The following FUBP3 variants were observed in gnomAD, a reference collection of about 807,000 sequenced individuals.
FUBP3 encodes far upstream element-binding protein 3.
A neutral mutation model predicts 85.6 loss-of-function variants in FUBP3; 28 were observed. The ratio of observed to expected loss-of-function variants is 0.33; its 90% CI spans 0.24 to 0.45. The LOEUF is 0.45. Among genes scored for constraint, FUBP3 ranks in the 20% least tolerant of loss-of-function variants. FUBP3 has a pLI of 1.00. For synonymous variants in FUBP3, 271 were observed against 271.4 expected, an observed-to-expected ratio of 1.00 and a Z score of 0.01; for missense variants, 583 against 755.1, an observed-to-expected ratio of 0.77 and a Z score of 2.67.
At position 130,616,284 on chromosome 9, in the gene FUBP3, A is replaced by G. The variant is rs930296363; in HGVS notation, c.405-71A>G. 4.7e-6 allele frequency: 7 copies of G among 1,483,456 alleles called. No individual in the cohort carries two copies. The African/African-American group carries it at 6.9e-5, about 15-fold the overall frequency. The allele number at this position is 1,483,456 out of a possible 1,614,324, so 91.9% of individuals were successfully genotyped here. A position where few individuals can be genotyped will look rare whatever the true frequency, so the allele number is the denominator to read the frequency against. ...TCCCGCAGGTTTTTCCCTCAGTGCT[A>G]TTTCCCTGTCTTGCACACTTAGAGC... On this transcript the variant is annotated intron_variant, in intron 6 of 18. Coordinates refer to ENST00000319725, the MANE Select transcript of FUBP3 (RefSeq NM_003934.2). This position sits in a 1 kb window ranked among gnomAD's most constrained non-coding sequence, Gnocchi z 4.7.
intron 14 of FUBP3, 119 bp from the exon 15 acceptor site, chr9:130,631,821 CCT>C: frequency 2.4e-6 from 2 of 850,100 alleles, no homozygotes; most frequent in Non-Finnish European, 3.9e-6. Context: ...GGGGTGGGAG[CCT>C]CTCAGAGGGC....
Position 130,626,555 on chromosome 9 carries a change from G to A in FUBP3, c.1117+50G>A, listed in dbSNP as rs1238666488. On this transcript the variant is annotated intron_variant, in intron 12 of 18. Transcript: ENST00000319725. ...TCCCCCCTCAGCTGTTTGGCTTGAG[G>A]GAAGGCAGGTCACGGGACCTCCAGA... is the stretch of plus-strand genomic sequence containing the variant. 6 of 1,592,130 alleles carry A rather than the reference G, an allele frequency of 3.8e-6. 1 individual carries two copies. The Middle Eastern group carries it at 8.3e-4, about 221-fold the overall frequency.
At chr9:130,624,071 G>C (rs1829867275) in intron 11 of FUBP3, among the ~76,000 whole-genome samples, 1 of 152,072 alleles carries the variant, frequency 6.6e-6, no homozygotes. Context: ...GACACTTCAG[G>C]GTCCTCCAAA....
At position 130,609,952 on chromosome 9, in the gene FUBP3, A is replaced by T. The variant is rs200792962; in HGVS notation, c.191-2A>T. On this transcript the variant is annotated splice_acceptor_variant, in intron 2 of 18. Transcript: ENST00000319725. LOFTEE classifies it high-confidence loss of function. ...TTTTTTTTCTCTTTCTCTTTGCCACAGTAGGTAACCAGTTAGGGGCCTTGG... is the reference window on the plus strand; with the variant it reads ...TTTTTTTTCTCTTTCTCTTTGCCACTGTAGGTAACCAGTTAGGGGCCTTGG... 2 of 1,607,536 alleles carry T rather than the reference A, an allele frequency of 1.2e-6. No homozygotes were observed. Among genetic ancestry groups the T allele is most frequent in the African/African-American group, 2.7e-5 (2 of 74,874 alleles).
intron 5 of FUBP3, 129 bp downstream of exon 5, chr9:130,613,156 T>C (rs896831318): frequency 4.7e-6 from 3 of 639,376 alleles, no homozygotes; most frequent in Non-Finnish European, 5.5e-6. Flanking sequence ...ACTTTGGGAG[T>C]TGGACTCCTA....
Position 130,616,345 on chromosome 9 carries a change from C to T in FUBP3, c.405-10C>T. The T allele has an allele frequency of 6.2e-7, 1 of 1,613,734 alleles. No individual in the cohort carries two copies. The highest frequency in any genetic ancestry group is 8.5e-7 in the Non-Finnish European group (1 of 1,179,714). On this transcript the variant is annotated splice_polypyrimidine_tract_variant and intron_variant, in intron 6 of 18. Coordinates refer to ENST00000319725, the MANE Select transcript of FUBP3 (RefSeq NM_003934.2). The surrounding 1 kb of genome is among the most constrained non-coding windows in gnomAD (Gnocchi z 4.7). Reference sequence around the variant, plus strand: ...TGCTGGTTCTCTTGTGGTTCTTTTCCCTCCCAAAGACAAGCCAAACGGCTC... The same window carrying T: ...TGCTGGTTCTCTTGTGGTTCTTTTCTCTCCCAAAGACAAGCCAAACGGCTC...
At chr9:130,621,866 C>G (rs371228640) in intron 9 of FUBP3, among the ~76,000 whole-genome samples, 7 of 151,314 alleles carry the variant, frequency 4.6e-5, no homozygotes, top group African/African-American at 1.5e-4. Flanking sequence ...GATGGTGCCA[C>G]TGTACTCCAG....
chr9:130,619,926 T>C (rs1829670821), intron 8 of FUBP3, among the ~76,000 whole-genome samples: 1 of 152,248 alleles, frequency 6.6e-6, no homozygotes, highest in Admixed American at 6.5e-5. Flanking sequence ...CTTGGCAAAG[T>C]TCTCTGTCTC....
At chr9:130,629,434 C>T (rs1830123809) in intron 12 of FUBP3, among the ~76,000 whole-genome samples, 1 of 152,262 alleles carries the variant, frequency 6.6e-6, no homozygotes, top group Non-Finnish European at 1.5e-5. Context: ...GTCTTTTCTC[C>T]CCCGTAAGGG....
intron 10 of FUBP3, 51 bp from the exon 11 acceptor site, chr9:130,623,560 C>G (rs764077442): frequency 2.6e-6 from 3 of 1,166,006 alleles, no homozygotes; most frequent in Admixed American, 1.7e-5. Context: ...ATCCTTGTTT[C>G]CTTCTAACGT....
chr9:130,633,751 G>A (rs1489480821), intron 16 of FUBP3, among the ~76,000 whole-genome samples: 1 of 152,226 alleles, frequency 6.6e-6, no homozygotes, highest in Non-Finnish European at 1.5e-5. Flanking sequence ...GCCCCTGTGG[G>A]AGGAAGCGGG....
intron 11 of FUBP3, among the ~76,000 whole-genome samples, chr9:130,624,696 G>A (rs1449430849): frequency 6.6e-6 from 1 of 151,530 alleles, no homozygotes; most frequent in Non-Finnish European, 1.5e-5. Flanking sequence ...TATTTTATGG[G>A]TGGCCCAAGA....
At chr9:130,630,264 G>T (rs1830158636) in intron 12 of FUBP3, among the ~76,000 whole-genome samples, 1 of 152,234 alleles carries the variant, frequency 6.6e-6, no homozygotes. Context: ...TCCCTGGCTG[G>T]GCGGGAGCCC....
Position 130,630,693 on chromosome 9 carries a change from C to G in FUBP3, c.1183C>G (p.Pro395Ala). 2 of 1,598,744 alleles carry G rather than the reference C, an allele frequency of 1.3e-6. No individual in the cohort carries two copies. Among genetic ancestry groups the G allele is most frequent in the Non-Finnish European group, 1.7e-6 (2 of 1,173,130 alleles). The change falls in exon 13 of 19, where the codon CCT becomes GCT. Residue 395 changes from proline to alanine, a missense_variant. This residue lies in a region of FUBP3 where 404 missense variants were observed against 516.8 expected (regional missense o/e 0.78). Coordinates refer to ENST00000319725, the MANE Select transcript of FUBP3 (RefSeq NM_003934.2). The part of the protein sequence containing the change: ...GAHVELQRNP[P>A]PNSDPNLRRF... ...GCACGTGGAGCTTCAGAGGAACCCC[C>G]CTCCCAACAGCGACCCCAACCTGCG...
intron 14 of FUBP3, 87 bp from the exon 15 acceptor site, chr9:130,631,855 G>A: frequency 2.0e-6 from 2 of 1,009,558 alleles, no homozygotes; most frequent in African/African-American, 1.6e-5. Context: ...TGTCCCGACT[G>A]CCCCCTCAGT....
At position 130,635,873 on chromosome 9, in the gene FUBP3, C is replaced by T; in HGVS notation, c.1583-126C>T. 2 of 958,496 alleles carry T rather than the reference C, an allele frequency of 2.1e-6. No individual in the cohort carries two copies. The highest frequency in any genetic ancestry group is 1.6e-5 in the African/African-American group (1 of 61,362). 59.4% of individuals were successfully genotyped at this position (958,496 alleles called of 1,614,324 possible). ...CTCCTGCAACACCAGCCTCACCTCACTGCCTCCCAGACCTCCCTGCCTTCC... is the reference window on the plus strand; with the variant it reads ...CTCCTGCAACACCAGCCTCACCTCATTGCCTCCCAGACCTCCCTGCCTTCC... On this transcript the variant is annotated intron_variant, in intron 17 of 18. Transcript: ENST00000319725. The surrounding 1 kb of genome is among the most constrained non-coding windows in gnomAD (Gnocchi z 4.3).
intron 1 of FUBP3, among the ~76,000 whole-genome samples, chr9:130,586,545 C>G (rs1830344856): frequency 6.6e-6 from 1 of 151,804 alleles, no homozygotes; most frequent in African/African-American, 2.4e-5. Flanking sequence ...GCCACCACAC[C>G]CAGCTAATAA....
At chr9:130,624,609 TTGTGTGTGTGTG>T (rs138986229) in intron 11 of FUBP3, among the ~76,000 whole-genome samples, 129 of 143,968 alleles carry the variant, frequency 9.0e-4, no homozygotes, top group African/African-American at 2.8e-3. Flanking sequence ...TTACAAGATT[TTGTGTGTGTGTG>T]TGTGTGTGTG....
chr9:130,586,749 CT>C (rs34911755), intron 1 of FUBP3, among the ~76,000 whole-genome samples: 21,432 of 112,976 alleles, frequency 0.19, 2,066 homozygotes, highest in African/African-American at 0.34. Context: ...AAGCAGCAAT[CT>C]TTTTTTTTTT....
Sources: gnomAD v4.1 joint callset for allele counts (sites outside exome capture counted in the v4.1 genomes callset) on GRCh38, gnomAD v4.1.1 for gene constraint, gnomAD v4.1.1 regional missense constraint, Gnocchi (gnomAD v3.1) non-coding constraint, MANE v1.5 for transcripts, NCBI Gene and HGNC (gene_info 2026-07-23, HGNC 2026-07-21) for gene names.